SEMA6A: variants seen among roughly 807,000 people sequenced by gnomAD.
SEMA6A encodes semaphorin-6A.
SEMA6A carries 25 observed loss-of-function variants against 96.8 expected under a neutral mutation model. The ratio of observed to expected loss-of-function variants is 0.26; its 90% CI spans 0.19 to 0.36. The LOEUF is 0.36. SEMA6A is among the 10% of genes least tolerant of loss of function. The probability of loss-of-function intolerance (pLI) is 1.00; values close to 1 mark genes in which losing one functional copy is unlikely to be tolerated. For synonymous variants in SEMA6A, 612 were observed against 518.0 expected (o/e 1.18, Z -2.46); for missense variants, 1,363 against 1,323.1 (o/e 1.03, Z -0.47).
chr5:116,472,781 T>A, intron 17 of SEMA6A: 1 of 861,810 alleles, frequency 1.2e-6, no homozygotes, highest in Non-Finnish European at 1.7e-6. Flanking sequence ...GGCCCTAAAG[T>A]AACAAAGAAT....
intron 1 of SEMA6A, among the ~76,000 whole-genome samples, chr5:116,532,954 A>G (rs1759550718): frequency 6.6e-6 from 1 of 152,208 alleles, no homozygotes; most frequent in Non-Finnish European, 1.5e-5. Context: ...TATAATTTAC[A>G]AAGTGCAGGA....
Position 116,476,973 on chromosome 5 carries a change from A to C in SEMA6A, c.1649+873T>G, listed in dbSNP as rs958770692. Among the ~76,000 whole-genome samples the C allele has an allele frequency of 3.3e-5, 5 of 152,260 alleles. No individual in the cohort carries two copies. The South Asian group carries it at 1.0e-3, about 32-fold the overall frequency. ...GTAGTGGTCATCAGATATGCCCTTGATCTGTTTGTTTAGCTATTCTGAAAT... is the reference window on the plus strand; with the variant it reads ...GTAGTGGTCATCAGATATGCCCTTGCTCTGTTTGTTTAGCTATTCTGAAAT... On this transcript the variant is annotated intron_variant, in intron 15 of 18. Coordinates refer to ENST00000343348, the MANE Select transcript of SEMA6A (RefSeq NM_020796.5).
intron 1 of SEMA6A, among the ~76,000 whole-genome samples, chr5:116,565,601 G>A (rs952182663): frequency 3.9e-5 from 6 of 152,082 alleles, no homozygotes; most frequent in East Asian, 3.8e-4. Flanking sequence ...TCTATTTATC[G>A]CTCACTATGC....
intron 1 of SEMA6A, among the ~76,000 whole-genome samples, chr5:116,550,912 T>TAC (rs1310366681): frequency 6.6e-6 from 1 of 152,184 alleles, no homozygotes; most frequent in Non-Finnish European, 1.5e-5. Context: ...GGCAACCCAG[T>TAC]ACCTCAAGCA....
Position 116,489,056 on chromosome 5 carries a change from G to T in SEMA6A, c.536-49C>A, listed in dbSNP as rs1319437558. On this transcript the variant is annotated intron_variant, in intron 7 of 18. Transcript: ENST00000343348. The stretch of plus-strand genomic sequence containing the variant: ...GAACAGGGTGGGAGCAAGTCAGTGG[G>T]GGTGGAGGAATAATAAAGACATCCC... The T allele has an allele frequency of 5.3e-6, 8 of 1,513,100 alleles. No homozygotes were observed. The South Asian group carries it at 1.0e-4, about 19-fold the overall frequency. 93.7% of individuals were successfully genotyped at this position (1,513,100 alleles called of 1,614,324 possible). A position where few individuals can be genotyped will look rare whatever the true frequency, so the allele number is the denominator to read the frequency against.
chr5:116,477,572 T>G (rs1251948462), intron 15 of SEMA6A, among the ~76,000 whole-genome samples: 1 of 152,218 alleles, frequency 6.6e-6, no homozygotes, highest in African/African-American at 2.4e-5. Context: ...AGGCACCTTC[T>G]TGTCTCTCTC....
At chr5:116,465,284 AAC>A (rs1373250169) in intron 18 of SEMA6A, among the ~76,000 whole-genome samples, 1 of 152,234 alleles carries the variant, frequency 6.6e-6, no homozygotes, top group Non-Finnish European at 1.5e-5. Context: ...ACTAAGTCAT[AAC>A]ACAGTGCTTG....
rs1170013459 is a variant in SEMA6A, at chr5:116,497,455, A to G, written c.219-68T>C. Reference sequence around the variant, plus strand: ...AAAACAGTTCATTTTCTGCTTAATGAGTTATGTCTTATCAGGGCAGATAAG... The same window carrying G: ...AAAACAGTTCATTTTCTGCTTAATGGGTTATGTCTTATCAGGGCAGATAAG... On this transcript the variant is annotated intron_variant, in intron 3 of 18. Coordinates refer to ENST00000343348, the MANE Select transcript of SEMA6A (RefSeq NM_020796.5). 1.7e-5 allele frequency: 16 copies of G among 963,476 alleles called. No homozygotes were observed. In the East Asian group the frequency reaches 4.0e-4, roughly 24 times the overall value. The allele number at this position is 963,476 out of a possible 1,614,324, so 59.7% of individuals were successfully genotyped here. A position where few individuals can be genotyped will look rare whatever the true frequency, so the allele number is the denominator to read the frequency against.
chr5:116,509,617 A>AGG (rs1758314875), intron 1 of SEMA6A, among the ~76,000 whole-genome samples: 1 of 151,462 alleles, frequency 6.6e-6, no homozygotes, highest in Non-Finnish European at 1.5e-5. Context: ...TGAGAGAGAG[A>AGG]GAGAGAGCAT....
At chr5:116,558,819 A>G (rs1285679151) in intron 1 of SEMA6A, among the ~76,000 whole-genome samples, 1 of 152,230 alleles carries the variant, frequency 6.6e-6, no homozygotes, top group Non-Finnish European at 1.5e-5. Context: ...TGTTTTGTGA[A>G]TTACATCGTC....
At chr5:116,512,968 G>T (rs948170075) in intron 1 of SEMA6A, among the ~76,000 whole-genome samples, 1 of 152,132 alleles carries the variant, frequency 6.6e-6, no homozygotes, top group Non-Finnish European at 1.5e-5. Flanking sequence ...TTTGTTGTTG[G>T]CTTAAAGGTG....
chr5:116,499,599 G>C (rs915403982), intron 3 of SEMA6A, among the ~76,000 whole-genome samples: 5 of 152,194 alleles, frequency 3.3e-5, no homozygotes, highest in Non-Finnish European at 2.9e-5. Context: ...GGTGGGCATG[G>C]AACTCCTTTA....
intron 2 of SEMA6A, chr5:116,502,559 A>C: frequency 2.1e-6 from 1 of 466,628 alleles, no homozygotes; most frequent in Non-Finnish European, 3.8e-6. Context: ...CTGGATTTAT[A>C]TTTCTAAGTG....
intron 18 of SEMA6A, among the ~76,000 whole-genome samples, chr5:116,451,493 G>A (rs1754632723): frequency 6.6e-6 from 1 of 152,164 alleles, no homozygotes; most frequent in Admixed American, 6.5e-5. Context: ...ACTGAATTTT[G>A]AAATAATTAA....
chr5:116,552,169 G>C (rs1370545702), intron 1 of SEMA6A, among the ~76,000 whole-genome samples: 1 of 152,164 alleles, frequency 6.6e-6, no homozygotes, highest in Non-Finnish European at 1.5e-5. Flanking sequence ...ATGTCCTAGA[G>C]TGTCTAAAAT....
chr5:116,533,106 C>A (rs1224593106), intron 1 of SEMA6A, among the ~76,000 whole-genome samples: 1 of 152,160 alleles, frequency 6.6e-6, no homozygotes. Flanking sequence ...GCCTTTTGAT[C>A]TTTTACTGTT....
chr5:116,458,441 T>C (rs1755154779), intron 18 of SEMA6A, among the ~76,000 whole-genome samples: 1 of 152,058 alleles, frequency 6.6e-6, no homozygotes, highest in South Asian at 2.1e-4. Flanking sequence ...GGGGGTAAAG[T>C]GTCATGTCAA....
At chr5:116,505,350 T>G (rs2112776551) in intron 1 of SEMA6A, among the ~76,000 whole-genome samples, 1 of 152,280 alleles carries the variant, frequency 6.6e-6, no homozygotes. Context: ...GATATTAATC[T>G]AGATTTTTCA....
chr5:116,560,025 T>G (rs1760758917), intron 1 of SEMA6A, among the ~76,000 whole-genome samples: 1 of 152,050 alleles, frequency 6.6e-6, no homozygotes, highest in African/African-American at 2.4e-5. Context: ...ACCTTGTCCC[T>G]GTGCGTCAGT....
Sources: gnomAD v4.1 joint callset for allele counts (sites outside exome capture counted in the v4.1 genomes callset) on GRCh38, gnomAD v4.1.1 for gene constraint, MANE v1.5 for transcripts, NCBI Gene and HGNC (gene_info 2026-07-23, HGNC 2026-07-21) for gene names.